CD99L2: variants seen among roughly 807,000 people sequenced by gnomAD.
The protein encoded by CD99L2 is CD99 molecule like 2.
CD99L2 carries 24 observed loss-of-function variants against 27.3 expected under a neutral mutation model. The observed-to-expected ratio is 0.88, with a 90% CI of 0.64 to 1.24. CD99L2 has a LOEUF of 1.24. Among genes scored for constraint, CD99L2 ranks in the 50% most tolerant of loss-of-function variants. The pLI, the probability that CD99L2 is intolerant of heterozygous loss-of-function variation, is 0.00. For synonymous variants in CD99L2, 97 were observed against 87.9 expected (o/e 1.10, Z -0.58); for missense variants, 255 against 221.6 (o/e 1.15, Z -0.96).
intron 10 of CD99L2, among the ~76,000 whole-genome samples, chrX:150,769,686 C>CGGAA (rs1557418916): frequency 9.4e-5 from 8 of 85,364 alleles, no homozygotes; most frequent in Middle Eastern, 9.9e-3. Flanking sequence ...CCTGCGCCAC[C>CGGAA]AGGCCTCGGC....
chrX:150,857,358 A>C (rs893405340), intron 1 of CD99L2, among the ~76,000 whole-genome samples: 6 of 110,854 alleles, frequency 5.4e-5, no homozygotes, highest in African/African-American at 2.0e-4. Context: ...ACCCATAAAA[A>C]CAGCAAGAGA....
rs145199656 is a variant in CD99L2 at position 150,872,156 on chromosome X, G to A, written c.67+26366C>T. On this transcript the variant is annotated intron_variant, in intron 1 of 10. Coordinates refer to ENST00000370377, the MANE Select transcript of CD99L2 (RefSeq NM_031462.4). ...TGAGGTGGAAGGATTGCTGGAGCCC[G>A]GGAGGTCAAGGCTGCAGTGAGCTGT... 5.1e-3 allele frequency among the ~76,000 whole-genome samples: 561 copies of A among 110,681 alleles called. 7 individuals carry two copies. Among genetic ancestry groups the A allele is most frequent in the Middle Eastern group, 0.014 (3 of 214 alleles).
At chrX:150,828,091 G>C (rs933825450) in intron 2 of CD99L2, among the ~76,000 whole-genome samples, 1 of 111,441 alleles carries the variant, frequency 9.0e-6, no homozygotes, top group East Asian at 2.8e-4. Flanking sequence ...AAGATTGTTT[G>C]GCTATTCTGA....
chrX:150,888,404 T>C (rs1319531137), intron 1 of CD99L2, among the ~76,000 whole-genome samples: 1 of 111,470 alleles, frequency 9.0e-6, no homozygotes, highest in African/African-American at 3.3e-5. Context: ...TCAGAAAATA[T>C]CATGCTAAGT....
Position 150,768,497 on chromosome X carries a change from G to C in CD99L2, c.*537C>G, listed in dbSNP as rs781788421. The C allele has an allele frequency of 8.8e-6, 1 of 113,907 alleles. No individual in the cohort carries two copies. Among genetic ancestry groups the C allele is most frequent in the Non-Finnish European group, 1.8e-5 (1 of 54,327 alleles). The allele number at this position is 113,907 out of a possible 1,213,427, so 9.4% of individuals were successfully genotyped here. On this transcript the variant is annotated 3_prime_UTR_variant, in exon 11 of 11. Coordinates refer to ENST00000370377, the MANE Select transcript of CD99L2 (RefSeq NM_031462.4). ...AAGTGAAACCATCATCCTGGGTGCT[G>C]CGTGTGTGTGGTGTTACTTGGTGCT...
At chrX:150,848,808 A>G (rs1175091647) in intron 1 of CD99L2, among the ~76,000 whole-genome samples, 1 of 111,356 alleles carries the variant, frequency 9.0e-6, no homozygotes, top group African/African-American at 3.3e-5. Flanking sequence ...TGTGCTTTGG[A>G]AGTACATTCA....
At chrX:150,773,528 C>T (rs1557419169) in intron 9 of CD99L2, among the ~76,000 whole-genome samples, 1 of 112,578 alleles carries the variant, frequency 8.9e-6, no homozygotes, top group Non-Finnish European at 1.9e-5. Flanking sequence ...TGTGGACTGT[C>T]GCATCTCACC....
At chrX:150,814,781 A>G (rs1557420420) in intron 4 of CD99L2, 81 bp downstream of exon 4, 1 of 940,593 alleles carries the variant, frequency 1.1e-6, no homozygotes, top group Non-Finnish European at 1.5e-6. Context: ...CCAAGCCCAG[A>G]CTGACTCTGG....
At chrX:150,793,905 C>T (rs2045743085) in intron 6 of CD99L2, 149 bp from the exon 7 acceptor site, 3 of 413,708 alleles carry the variant, frequency 7.3e-6, no homozygotes, top group Admixed American at 4.8e-5. Flanking sequence ...CCCCAGACCC[C>T]CTCCCACTGG....
At chrX:150,863,925 A>G (rs2047018785) in intron 1 of CD99L2, among the ~76,000 whole-genome samples, 1 of 111,933 alleles carries the variant, frequency 8.9e-6, no homozygotes, top group Admixed American at 9.5e-5. Context: ...GGCCACCACC[A>G]GCAGCAGGGA....
At chrX:150,826,159 C>A (rs782450118) in intron 2 of CD99L2, among the ~76,000 whole-genome samples, 43 of 111,694 alleles carry the variant, frequency 3.8e-4, no homozygotes, top group Non-Finnish European at 6.0e-4. Flanking sequence ...AAGCACAGAG[C>A]AGCCCTCACC....
chrX:150,815,053 G>C, intron 3 of CD99L2, 117 bp from the exon 4 acceptor site: 1 of 637,899 alleles, frequency 1.6e-6, no homozygotes, highest in Non-Finnish European at 2.5e-6. Context: ...AATGGGTTAA[G>C]ACAAAGAGAC....
chrX:150,798,460 G>A, intron 4 of CD99L2, among the ~76,000 whole-genome samples: 1 of 110,995 alleles, frequency 9.0e-6, no homozygotes, highest in Non-Finnish European at 1.9e-5. Context: ...AACAAATGGT[G>A]CTGGGAAAAT....
At chrX:150,793,056 G>A (rs1037555519) in intron 7 of CD99L2, among the ~76,000 whole-genome samples, 2 of 111,470 alleles carry the variant, frequency 1.8e-5, no homozygotes, top group African/African-American at 3.3e-5. Flanking sequence ...ACCCATACTC[G>A]CTCACACACG....
chrX:150,834,034 T>C (rs782012830), intron 1 of CD99L2, among the ~76,000 whole-genome samples: 1 of 111,634 alleles, frequency 9.0e-6, no homozygotes, highest in Admixed American at 9.5e-5. Flanking sequence ...TGAAAAGGGG[T>C]TAATATCCAA....
At chrX:150,886,106 G>C (rs1255127483) in intron 1 of CD99L2, among the ~76,000 whole-genome samples, 1 of 112,117 alleles carries the variant, frequency 8.9e-6, no homozygotes, top group Non-Finnish European at 1.9e-5. Flanking sequence ...AAATAGAACT[G>C]TCTGAGCTGA....
At chrX:150,866,204 G>A (rs2047058370) in intron 1 of CD99L2, among the ~76,000 whole-genome samples, 1 of 111,449 alleles carries the variant, frequency 9.0e-6, no homozygotes, top group South Asian at 3.7e-4. Context: ...ATGGGGAACT[G>A]TGCTCTTGGA....
At chrX:150,892,290 G>C (rs921766403) in intron 1 of CD99L2, among the ~76,000 whole-genome samples, 2 of 109,784 alleles carry the variant, frequency 1.8e-5, no homozygotes, top group African/African-American at 3.3e-5. Context: ...AGCAGAAAAA[G>C]CAAAACACCA....
chrX:150,897,165 C>T (rs1557423104), intron 1 of CD99L2, among the ~76,000 whole-genome samples: 1 of 112,386 alleles, frequency 8.9e-6, no homozygotes, highest in East Asian at 2.8e-4. Flanking sequence ...AATTTTATCC[C>T]AAAGGGAAAA....
Sources: allele counts gnomAD v4.1 joint callset (sites outside exome capture counted in the v4.1 genomes callset), GRCh38; gene constraint gnomAD v4.1.1; transcripts MANE v1.5; gene names NCBI Gene and HGNC (gene_info 2026-07-23, HGNC 2026-07-21).